Variants in NAALADL2 observed in about 807,000 individuals in gnomAD.
NAALADL2 encodes inactive N-acetylated-alpha-linked acidic dipeptidase-like protein 2.
In NAALADL2, 76 loss-of-function variants were observed where a neutral mutation model predicts 87.2. That is an observed-to-expected ratio of 0.87 (90% CI 0.72 to 1.05). The LOEUF (loss-of-function observed/expected upper bound fraction) is 1.05. Among genes scored for constraint, NAALADL2 ranks in the 50% least tolerant of loss-of-function variants. NAALADL2 has a pLI of 0.00. For synonymous variants in NAALADL2, 354 were observed against 331.0 expected, an observed-to-expected ratio of 1.07 and a Z score of -0.75; for missense variants, 1,089 against 945.8, an observed-to-expected ratio of 1.15 and a Z score of -1.99.
chr3:175,777,255 A>G (rs1056984218), intron 13 of NAALADL2, among the ~76,000 whole-genome samples: 6 of 152,084 alleles, frequency 3.9e-5, no homozygotes, highest in African/African-American at 4.8e-5. Context: ...CAGTTAAGAT[A>G]TTGAAATTAA....
intron 13 of NAALADL2, among the ~76,000 whole-genome samples, chr3:175,791,560 A>G (rs1274812488): frequency 6.6e-6 from 1 of 152,180 alleles, no homozygotes; most frequent in Admixed American, 6.6e-5. Context: ...AAGTAGAGGC[A>G]GCAAGACTGT....
chr3:175,400,130 T>A (rs1248909593), intron 5 of NAALADL2, among the ~76,000 whole-genome samples: 4 of 152,106 alleles, frequency 2.6e-5, no homozygotes, highest in African/African-American at 9.7e-5. Context: ...AATAAATATC[T>A]GAAAGAGGGA....
intron 1 of NAALADL2, among the ~76,000 whole-genome samples, chr3:174,953,627 G>T (rs999921380): frequency 6.6e-6 from 1 of 151,878 alleles, no homozygotes; most frequent in Non-Finnish European, 1.5e-5. Context: ...TATATACACA[G>T]ATAGTTGATG....
At chr3:175,243,828 G>A (rs1747449190) in intron 3 of NAALADL2, among the ~76,000 whole-genome samples, 1 of 152,004 alleles carries the variant, frequency 6.6e-6, no homozygotes, top group Non-Finnish European at 1.5e-5. Context: ...GTCTGAAATG[G>A]GAAGATAAAG....
At chr3:175,697,110 T>A (rs1324672605) in intron 11 of NAALADL2, among the ~76,000 whole-genome samples, 1 of 152,060 alleles carries the variant, frequency 6.6e-6, no homozygotes, top group African/African-American at 2.4e-5. Context: ...GCATTTTGGA[T>A]ATGTCAATCA....
chr3:175,030,177 T>C (rs1752656093), intron 1 of NAALADL2, among the ~76,000 whole-genome samples: 1 of 152,066 alleles, frequency 6.6e-6, no homozygotes, highest in African/African-American at 2.4e-5. Context: ...CTCTGCCTTT[T>C]CCATTTGCAC....
intron 3 of NAALADL2, among the ~76,000 whole-genome samples, chr3:174,759,979 A>G (rs891549807): frequency 6.6e-6 from 1 of 152,184 alleles, no homozygotes. Context: ...GATTACAGGC[A>G]TGAGCCACTG....
At chr3:175,783,535 T>A (rs1239739214) in intron 13 of NAALADL2, among the ~76,000 whole-genome samples, 1 of 151,324 alleles carries the variant, frequency 6.6e-6, no homozygotes, top group African/African-American at 2.5e-5. Context: ...ATGCTTGTGA[T>A]TTTTGTACAT....
intron 1 of NAALADL2, among the ~76,000 whole-genome samples, chr3:174,866,552 A>G (rs1413697614): frequency 1.3e-5 from 2 of 151,860 alleles, no homozygotes; most frequent in Non-Finnish European, 2.9e-5. Flanking sequence ...GCTTCTATAT[A>G]TATATCTTAT....
At chr3:175,787,517 C>T (rs961952647) in intron 13 of NAALADL2, among the ~76,000 whole-genome samples, 5 of 152,198 alleles carry the variant, frequency 3.3e-5, no homozygotes, top group Non-Finnish European at 5.9e-5. Context: ...GGAAAGGGAA[C>T]TCCCTGACCC....
chr3:174,711,796 A>C (rs1170749428), intron 2 of NAALADL2, among the ~76,000 whole-genome samples: 1 of 152,146 alleles, frequency 6.6e-6, no homozygotes, highest in Non-Finnish European at 1.5e-5. Context: ...AGATAAACAT[A>C]TGAATTTTTG....
intron 9 of NAALADL2, among the ~76,000 whole-genome samples, chr3:175,542,527 A>C (rs916033884): frequency 1.3e-5 from 2 of 152,004 alleles, no homozygotes; most frequent in African/African-American, 4.8e-5. Flanking sequence ...TGAATGACGT[A>C]TTTTCTTTTT....
chr3:175,108,594 G>C (rs1723641252), intron 2 of NAALADL2, among the ~76,000 whole-genome samples: 2 of 151,854 alleles, frequency 1.3e-5, no homozygotes. Context: ...ACTCTATTCT[G>C]TAGGGAAAAA....
At chr3:175,696,053 A>G (rs1042256510) in intron 11 of NAALADL2, among the ~76,000 whole-genome samples, 1 of 152,176 alleles carries the variant, frequency 6.6e-6, no homozygotes, top group African/African-American at 2.4e-5. Flanking sequence ...AACTGTGGTG[A>G]AATATTTTCT....
intron 5 of NAALADL2, among the ~76,000 whole-genome samples, chr3:175,373,287 C>A (rs1413463010): frequency 6.6e-6 from 1 of 152,038 alleles, no homozygotes; most frequent in African/African-American, 2.4e-5. Flanking sequence ...TTTTTAACAC[C>A]AAAAATTTAT....
At chr3:175,517,034 T>C (rs935109363) in intron 9 of NAALADL2, among the ~76,000 whole-genome samples, 19 of 152,244 alleles carry the variant, frequency 1.2e-4, no homozygotes, top group Admixed American at 6.5e-5. Context: ...CTTCTTTCAG[T>C]ACAATAAAAT....
chr3:175,632,266 T>TTCTCTCTCTCTCTCTC (rs61458338), intron 11 of NAALADL2, among the ~76,000 whole-genome samples: 12 of 129,574 alleles, frequency 9.3e-5, no homozygotes, highest in African/African-American at 3.2e-4. Context: ...CACTTTCCCC[T>TTCTCTCTCTCTCTCTC]TCTCTCTCTC....
At chr3:175,742,936 G>A (rs1210751713) in intron 12 of NAALADL2, among the ~76,000 whole-genome samples, 1 of 152,094 alleles carries the variant, frequency 6.6e-6, no homozygotes, top group Non-Finnish European at 1.5e-5. Flanking sequence ...CCGGTGTAGG[G>A]AGGGTATCTC....
At chr3:175,669,495 A>G (rs569311037) in intron 11 of NAALADL2, among the ~76,000 whole-genome samples, 1 of 152,090 alleles carries the variant, frequency 6.6e-6, no homozygotes, top group South Asian at 2.1e-4. Context: ...TAATCAAATG[A>G]GATTATATCC....
Sources: gnomAD v4.1 joint callset for allele counts (sites outside exome capture counted in the v4.1 genomes callset) on GRCh38, gnomAD v4.1.1 for gene constraint, MANE v1.5 for transcripts, NCBI Gene and HGNC (gene_info 2026-07-23, HGNC 2026-07-21) for gene names.